The following ZNF654 variants were observed in gnomAD, a reference collection of about 807,000 sequenced individuals.
ZNF654 encodes the protein melanoma-associated antigen.
A neutral mutation model predicts 95.3 loss-of-function variants in ZNF654; 19 were observed. The observed-to-expected ratio is 0.20, with a 90% CI of 0.14 to 0.29. The LOEUF (loss-of-function observed/expected upper bound fraction) is 0.29. Among genes scored for constraint, ZNF654 ranks in the 10% least tolerant of loss-of-function variants. The pLI is 1.00. For synonymous variants in ZNF654, 413 were observed against 457.9 expected, an observed-to-expected ratio of 0.90 and a Z score of 1.25; for missense variants, 1,046 against 1,341.0, an observed-to-expected ratio of 0.78 and a Z score of 3.44.
Position 88,059,281 on chromosome 3 carries a change from C to A in ZNF654, c.-39C>A. The A allele has an allele frequency of 1.3e-6, 2 of 1,532,222 alleles. No individual in the cohort carries two copies. Among genetic ancestry groups the A allele is most frequent in the East Asian group, 2.4e-5 (1 of 40,880 alleles). The allele number at this position is 1,532,222 out of a possible 1,614,324, so 94.9% of individuals were successfully genotyped here. A position where few individuals can be genotyped will look rare whatever the true frequency, so the allele number is the denominator to read the frequency against. ...GCCTAGGCATCTACGGCGGCGGCGG[C>A]GGCGCAGGGGCTGGTACGCGCTGGG... is the stretch of plus-strand genomic sequence containing the variant. On this transcript the variant is annotated 5_prime_UTR_variant, in exon 1 of 9. Transcript: ENST00000636215.
chr3:88,113,746 A>T (rs1443384722), intron 3 of ZNF654, among the ~76,000 whole-genome samples: 1 of 152,112 alleles, frequency 6.6e-6, no homozygotes, highest in Non-Finnish European at 1.5e-5. Context: ...GAAGTAAAGG[A>T]AGATGTACTT....
chr3:88,076,410 G>GAT (rs1042333900), intron 1 of ZNF654, among the ~76,000 whole-genome samples: 5 of 151,850 alleles, frequency 3.3e-5, no homozygotes, highest in Admixed American at 2.6e-4. Context: ...AGTTACTTCT[G>GAT]ATATATATCT....
In ZNF654 at chr3:88,143,512, T is replaced by C. The variant is rs1707223709; in HGVS notation, c.*1860T>C. 6.6e-6 allele frequency: 1 copy of C among 152,336 alleles called. No homozygotes were observed. Among genetic ancestry groups the C allele is most frequent in the Non-Finnish European group, 1.5e-5 (1 of 67,786 alleles). 9.4% of individuals were successfully genotyped at this position (152,336 alleles called of 1,614,324 possible). A position where few individuals can be genotyped will look rare whatever the true frequency, so the allele number is the denominator to read the frequency against. On this transcript the variant is annotated 3_prime_UTR_variant, in exon 9 of 9. Transcript: ENST00000636215. ...ATAAAAAGTCTGTTTGGAAACTGGT[T>C]CATTTGGACAGTGAAGTCTTTTGAA...
chr3:88,114,037 T>C (rs1433825039), intron 3 of ZNF654, among the ~76,000 whole-genome samples: 1 of 152,188 alleles, frequency 6.6e-6, no homozygotes, highest in Non-Finnish European at 1.5e-5. Flanking sequence ...TCTTAAACTT[T>C]TACTTGGCAA....
At chr3:88,105,902 G>A (rs1172565025) in intron 2 of ZNF654, among the ~76,000 whole-genome samples, 1 of 152,192 alleles carries the variant, frequency 6.6e-6, no homozygotes, top group African/African-American at 2.4e-5. Flanking sequence ...ATGAGGGCCT[G>A]CCCTCACAGG....
At chr3:88,141,175 A>G in intron 8 of ZNF654, 127 bp downstream of exon 8, 1 of 1,091,834 alleles carries the variant, frequency 9.2e-7, no homozygotes, top group South Asian at 1.7e-5. Flanking sequence ...GCATTACTCC[A>G]TACATTATTT....
At chr3:88,060,794 A>T (rs1559682590) in intron 1 of ZNF654, among the ~76,000 whole-genome samples, 1 of 152,150 alleles carries the variant, frequency 6.6e-6, no homozygotes, top group Admixed American at 6.5e-5. Context: ...CTTGTAAGGA[A>T]TTTCTTTCAA....
At position 88,143,883 on chromosome 3, in the gene ZNF654, T is replaced by G. The variant is rs1707240849; in HGVS notation, c.*2231T>G. ...AAGAATGTGTTCATTTTATTACATC[T>G]GTCTTTTAAAACATAAACCTACATC... On this transcript the variant is annotated 3_prime_UTR_variant, in exon 9 of 9. Transcript: ENST00000636215. The G allele has an allele frequency of 6.6e-6, 1 of 151,974 alleles. No individual in the cohort carries two copies. Among genetic ancestry groups the G allele is most frequent in the Non-Finnish European group, 1.5e-5 (1 of 67,806 alleles). 9.4% of individuals were successfully genotyped at this position (151,974 alleles called of 1,614,324 possible).
At chr3:88,141,204 A>G (rs1162520400) in intron 8 of ZNF654, 156 bp downstream of exon 8, 17 of 805,896 alleles carry the variant, frequency 2.1e-5, no homozygotes, top group Non-Finnish European at 3.0e-5. Context: ...ACATACAACC[A>G]CTATGAGGTG....
intron 6 of ZNF654, among the ~76,000 whole-genome samples, chr3:88,131,484 A>G (rs372034544): frequency 6.6e-6 from 1 of 152,164 alleles, no homozygotes; most frequent in Non-Finnish European, 1.5e-5. Flanking sequence ...TCATTGTAAT[A>G]TACTCATAAA....
intron 2 of ZNF654, among the ~76,000 whole-genome samples, chr3:88,096,400 G>C (rs1704061366): frequency 6.6e-6 from 1 of 152,080 alleles, no homozygotes; most frequent in Non-Finnish European, 1.5e-5. Context: ...TATAACTACT[G>C]CTATAGAGGA....
At chr3:88,133,204 A>G (rs1706569254) in intron 6 of ZNF654, among the ~76,000 whole-genome samples, 1 of 152,110 alleles carries the variant, frequency 6.6e-6, no homozygotes, top group African/African-American at 2.4e-5. Context: ...CATAGGAGAC[A>G]TGGCCACTGG....
chr3:88,093,191 G>T (rs1178277428), intron 2 of ZNF654, among the ~76,000 whole-genome samples: 4 of 152,228 alleles, frequency 2.6e-5, no homozygotes, highest in Admixed American at 6.5e-5. Context: ...GTTCTTACTG[G>T]TTTTTTCCTT....
intron 2 of ZNF654, among the ~76,000 whole-genome samples, chr3:88,098,789 T>C (rs1322560322): frequency 6.6e-6 from 1 of 152,174 alleles, no homozygotes; most frequent in Non-Finnish European, 1.5e-5. Context: ...CAACACTTCA[T>C]GCTAAATAAA....
rs1350276550 is a variant in ZNF654 at position 88,139,987 on chromosome 3, C to A, written c.2318C>A (p.Thr773Asn). 3.1e-6 allele frequency: 5 copies of A among 1,613,616 alleles called. No individual in the cohort carries two copies. The highest frequency in any genetic ancestry group is 4.2e-6 in the Non-Finnish European group (5 of 1,179,810). Residue 773 changes from threonine (T) to asparagine (N), a missense_variant, in exon 8 of 9, where the codon ACC becomes AAC. Thr to Asn is a moderately conservative substitution (Grantham distance 65). This residue lies in a region of ZNF654 where 495 missense variants were observed against 537.0 expected (regional missense o/e 0.92). Transcript: ENST00000636215. The stretch of plus-strand genomic sequence containing the variant: ...AAACATGCAATGACCGTACATCCAA[C>A]CGATTTAAATGTGCGACAAACAGTA... ...LNKHAMTVHPTDLNVRQTVMK... is the reference protein window; with the variant it reads ...LNKHAMTVHPNDLNVRQTVMK...
At chr3:88,134,697 T>C (rs1706667174) in intron 6 of ZNF654, among the ~76,000 whole-genome samples, 2 of 152,118 alleles carry the variant, frequency 1.3e-5, no homozygotes, top group African/African-American at 4.8e-5. Flanking sequence ...TACAACATTG[T>C]TTTCTAAATT....
chr3:88,119,323 G>T (rs1158120547), intron 3 of ZNF654, among the ~76,000 whole-genome samples: 290 of 139,182 alleles, frequency 2.1e-3, no homozygotes, highest in Middle Eastern at 4.1e-3. Context: ...CTCATAGGTG[G>T]GAATTGAACA....
chr3:88,094,163 G>GAT (rs1703915363), intron 2 of ZNF654, among the ~76,000 whole-genome samples: 1 of 151,190 alleles, frequency 6.6e-6, no homozygotes, highest in Admixed American at 6.6e-5. Context: ...AACTTCATGA[G>GAT]ATGGTTTTGT....
chr3:88,102,817 C>CTTTTTTTTT (rs10701359), intron 2 of ZNF654, among the ~76,000 whole-genome samples: 6 of 106,530 alleles, frequency 5.6e-5, no homozygotes, highest in African/African-American at 1.0e-4. Flanking sequence ...CCTCTACTGT[C>CTTTTTTTTT]TTTTTTTTTT....
Sources: gnomAD v4.1 joint callset for allele counts (sites outside exome capture counted in the v4.1 genomes callset) on GRCh38, gnomAD v4.1.1 for gene constraint, gnomAD v4.1.1 regional missense constraint, MANE v1.5 for transcripts, NCBI Gene and HGNC (gene_info 2026-07-23, HGNC 2026-07-21) for gene names.